Variants in LAMB2 observed in about 807,000 individuals in gnomAD.
LAMB2 encodes the protein laminin subunit beta 2.
A neutral mutation model predicts 202.7 loss-of-function variants in LAMB2; 119 were observed. The observed-to-expected ratio is 0.59, with a 90% CI of 0.51 to 0.68. LAMB2 has a LOEUF of 0.68. Ranked by LOEUF, LAMB2 falls within the 30% of genes least tolerant of loss-of-function variation. The pLI is 0.00. For missense variants in LAMB2, 2,124 were observed against 2,410.6 expected (o/e 0.88, Z 2.49); for synonymous variants, 818 against 902.2 (o/e 0.91, Z 1.67).
In LAMB2 at chr3:49,129,777, A is replaced by C. The variant is rs2045461367; in HGVS notation, c.1406-61T>G. ...CTGTGGCAGTGCTCATGTTCAGCTG[A>C]GTCAGGAGTAAGAGGACAGGGGTTA... On this transcript the variant is annotated intron_variant, in intron 10 of 31. Transcript: ENST00000305544. This position sits in a 1 kb window ranked among gnomAD's most constrained non-coding sequence, Gnocchi z 6.1. The C allele has an allele frequency of 2.5e-6, 4 of 1,609,968 alleles. No individual in the cohort carries two copies. Among genetic ancestry groups the C allele is most frequent in the Non-Finnish European group, 3.4e-6 (4 of 1,176,494 alleles).
At position 49,131,321 on chromosome 3, in the gene LAMB2, C is replaced by A; in HGVS notation, c.712+58G>T. 11 of 1,585,188 alleles carry A rather than the reference C, an allele frequency of 6.9e-6. No homozygotes were observed. The highest frequency in any genetic ancestry group is 9.5e-6 in the Non-Finnish European group (11 of 1,155,644). On this transcript the variant is annotated intron_variant, in intron 6 of 31. Coordinates refer to ENST00000305544, the MANE Select transcript of LAMB2 (RefSeq NM_002292.4). This position sits in a 1 kb window ranked among gnomAD's most constrained non-coding sequence, Gnocchi z 5.0. ...AAGCACCCAAAATAGTTACTGAGGC[C>A]CCAAATAGTCCCTAGCCGGACACGG...
chr3:49,130,238 C>T lies in LAMB2; in HGVS notation c.1218G>A (p.Val406=), dbSNP rs1284533242. ...DPTKDLRDPA[V]CRSCDCDPMG... is the part of the protein sequence containing the mutation. ...GCCCAATCCCAGCCTCACAGCGGCA[C>T]ACAGCCGGATCCCGCAGGTCCTTGG... The change falls in exon 9 of 32, where the codon GTG becomes GTA. Residue 406 remains valine (V), a synonymous_variant. Transcript: ENST00000305544. The surrounding 1 kb of genome is among the most constrained non-coding windows in gnomAD (Gnocchi z 5.0). The T allele has an allele frequency of 2.5e-6, 4 of 1,614,120 alleles. No individual in the cohort carries two copies. Among genetic ancestry groups the T allele is most frequent in the African/African-American group, 2.7e-5 (2 of 74,946 alleles).
Position 49,122,368 on chromosome 3 carries a change from C to G in LAMB2, c.4576G>C (p.Glu1526Gln), listed in dbSNP as rs2045330393. Residue 1526 changes from glutamate (E) to glutamine (Q), a missense_variant and splice_region_variant, in exon 28 of 32, where the codon GAG becomes CAG. Around this residue, in one of 3 missense-constraint regions of LAMB2, gnomAD observed 1,702 missense variants for 1,896.3 expected, o/e 0.90. Transcript: ENST00000305544. ...IQSVKDFLNQ[E>Q]GADPDSIEMV... The stretch of plus-strand genomic sequence containing the variant: ...TCAATGCTATCAGGATCAGCCCCCT[C>G]CTCTATAGGGACACAGCAAGAACTT... 3.1e-6 allele frequency: 5 copies of G among 1,613,022 alleles called. No individual in the cohort carries two copies. Among genetic ancestry groups the G allele is most frequent in the Non-Finnish European group, 4.2e-6 (5 of 1,179,842 alleles).
rs760185781 is a variant in LAMB2 at position 49,132,630 on chromosome 3, G to A, written c.110C>T (p.Pro37Leu). 1.9e-6 allele frequency: 3 copies of A among 1,613,944 alleles called. No individual in the cohort carries two copies. Among genetic ancestry groups the A allele is most frequent in the Admixed American group, 1.7e-5 (1 of 60,014 alleles). Reference protein sequence around the residue: ...LAATLAQAPAPDVPGCSRGSC... With the variant: ...LAATLAQAPALDVPGCSRGSC... ...TCCCCTGGAACAGCCAGGCACATCC[G>A]GGGCAGGGGCCTGTGCCAGTGTGGC... Residue 37 changes from proline (P) to leucine (L), a missense_variant, in exon 2 of 32, where the codon CCG becomes CTG. Coordinates refer to ENST00000305544, the MANE Select transcript of LAMB2 (RefSeq NM_002292.4). The surrounding 1 kb of genome is among the most constrained non-coding windows in gnomAD (Gnocchi z 4.6).
At chr3:49,128,866 C>G in intron 13 of LAMB2, 47 bp from the exon 14 acceptor site, 1 of 1,605,124 alleles carries the variant, frequency 6.2e-7, no homozygotes, top group South Asian at 1.1e-5. Context: ...GAGGCTTTGC[C>G]TCTTCTGCCA....
In LAMB2 at chr3:49,126,074, C is replaced by A. The variant is rs141407145; in HGVS notation, c.2237G>T (p.Arg746Leu). ...CAGACCCTCCTCATGGCATTGGTAGCGTTCAAAGGTGGCCTGGCGCTCCAG... is the reference window on the plus strand; with the variant it reads ...CAGACCCTCCTCATGGCATTGGTAGAGTTCAAAGGTGGCCTGGCGCTCCAG... ...AALERQATFE[R>L]YQCHEEGLVP... Residue 746 changes from arginine (R) to leucine (L), a missense_variant, in exon 17 of 32, where the codon CGC becomes CTC. Around this residue, in one of 3 missense-constraint regions of LAMB2, gnomAD observed 1,702 missense variants for 1,896.3 expected, o/e 0.90. Transcript: ENST00000305544. 6.2e-7 allele frequency: 1 copy of A among 1,614,056 alleles called. No individual in the cohort carries two copies. The highest frequency in any genetic ancestry group is 1.7e-5 in the Admixed American group (1 of 60,022).
chr3:49,125,425 A>G lies in LAMB2; in HGVS notation c.2548T>C (p.Cys850Arg). ...SSLCEKTSGQ[C>R]LCRTGAFGLR... Reference sequence around the variant, plus strand: ...CCAAAGGCACCAGTTCGACAGAGACATTGCCCACTGGTCTTTTCACAGAGA... The same window carrying G: ...CCAAAGGCACCAGTTCGACAGAGACGTTGCCCACTGGTCTTTTCACAGAGA... Residue 850 changes from cysteine (C) to arginine (R), a missense_variant, in exon 19 of 32, where the codon TGT becomes CGT. This residue lies in a region of LAMB2 where 1,702 missense variants were observed against 1,896.3 expected (regional missense o/e 0.90). Transcript: ENST00000305544. The G allele has an allele frequency of 6.2e-7, 1 of 1,613,704 alleles. No homozygotes were observed. Among genetic ancestry groups the G allele is most frequent in the Non-Finnish European group, 8.5e-7 (1 of 1,179,936 alleles).
chr3:49,122,503 G>T, intron 27 of LAMB2, 133 bp from the exon 28 acceptor site: 2 of 982,856 alleles, frequency 2.0e-6, no homozygotes, highest in East Asian at 2.5e-5. Flanking sequence ...ATAATCACAA[G>T]GACAGGGACT....
rs112650935 is a variant in LAMB2, at chr3:49,123,972, G to C, written c.3553C>G (p.Pro1185Ala). The C allele has an allele frequency of 2.5e-6, 4 of 1,613,402 alleles. No homozygotes were observed. Among genetic ancestry groups the C allele is most frequent in the Non-Finnish European group, 2.5e-6 (3 of 1,180,030 alleles). ...CATGCATGGCAGGGATGGCAGGCAG[G>C]AAAGATTCCTGAGAAGCCACGGGCA... ...QCARGFSGIFPACHPCHACFG... is the reference protein window; with the variant it reads ...QCARGFSGIFAACHPCHACFG... Residue 1185 changes from proline to alanine, a missense_variant, in exon 24 of 32, where the codon CCT becomes GCT. This residue lies in a region of LAMB2 where 1,702 missense variants were observed against 1,896.3 expected (regional missense o/e 0.90). Transcript: ENST00000305544.
In LAMB2 at chr3:49,129,653, G is replaced by A; in HGVS notation, c.1469C>T (p.Ser490Phe). Residue 490 changes from serine (S) to phenylalanine (F), a missense_variant, in exon 11 of 32, where the codon TCC becomes TTC. Physicochemically the swap from Ser to Phe is radical, Grantham distance 155 (BLOSUM62 -2). Transcript: ENST00000305544. The surrounding 1 kb of genome is among the most constrained non-coding windows in gnomAD (Gnocchi z 6.1). ...GSTPCDPNSG[S>F]CYCKRLVTGR... is the part of the protein sequence containing the mutation. ...AGTCACTAGACGTTTGCAGTAACAG[G>A]ATCCACTGTTGGGGTCACAAGGAGT... 3 of 1,614,172 alleles carry A rather than the reference G, an allele frequency of 1.9e-6. No individual in the cohort carries two copies. The highest frequency in any genetic ancestry group is 2.5e-6 in the Non-Finnish European group (3 of 1,180,006).
In LAMB2 at chr3:49,131,818, T is replaced by G; in HGVS notation, c.460-95A>C. 1 of 1,325,744 alleles carries G rather than the reference T, an allele frequency of 7.5e-7. No individual in the cohort carries two copies. The highest frequency in any genetic ancestry group is 1.1e-6 in the Non-Finnish European group (1 of 943,542). The allele number at this position is 1,325,744 out of a possible 1,614,324, so 82.1% of individuals were successfully genotyped here. A position where few individuals can be genotyped will look rare whatever the true frequency, so the allele number is the denominator to read the frequency against. The stretch of plus-strand genomic sequence containing the variant: ...TGCTCAGCCCAAGACTGCCCTCAAA[T>G]AGCTCACAGAGAGTGGGGGTGACTG... On this transcript the variant is annotated intron_variant, in intron 4 of 31. Transcript: ENST00000305544. The surrounding 1 kb of genome is among the most constrained non-coding windows in gnomAD (Gnocchi z 5.0).
In LAMB2 at chr3:49,129,840, C is replaced by A; in HGVS notation, c.1404G>T (p.Arg468=). 1 of 1,613,812 alleles carries A rather than the reference C, an allele frequency of 6.2e-7. No homozygotes were observed. The highest frequency in any genetic ancestry group is 1.1e-5 in the South Asian group (1 of 91,086). ...GAAGTTAGGGCAGGAGACACATACG[C>A]CGGCAGCCCAGACGGTCACTGATGC... ...GLSISDRLGC[R]RCQCNARGTV... Residue 468 remains arginine (R), a splice_region_variant and synonymous_variant, in exon 10 of 32, where the codon CGG becomes CGT. Coordinates refer to ENST00000305544, the MANE Select transcript of LAMB2 (RefSeq NM_002292.4). The surrounding 1 kb of genome is among the most constrained non-coding windows in gnomAD (Gnocchi z 6.1).
Position 49,130,437 on chromosome 3 carries a change from G to A in LAMB2, c.1037-18C>T. The A allele has an allele frequency of 6.2e-7, 1 of 1,613,784 alleles. No homozygotes were observed. The highest frequency in any genetic ancestry group is 8.5e-7 in the Non-Finnish European group (1 of 1,179,934). ...CTCACACTCTGGCAGGGGAGGAAGG[G>A]CAGGGCAAAGGCCACATGAGGAACC... On this transcript the variant is annotated intron_variant, in intron 8 of 31. Coordinates refer to ENST00000305544, the MANE Select transcript of LAMB2 (RefSeq NM_002292.4). The surrounding 1 kb of genome is among the most constrained non-coding windows in gnomAD (Gnocchi z 5.0).
At position 49,131,102 on chromosome 3, in the gene LAMB2, A is replaced by ACCAACT; in HGVS notation, c.762_763insAGTTGG (p.Thr254_Leu255insSerTrp). On this transcript the variant is annotated inframe_insertion, in exon 7 of 32. Coordinates refer to ENST00000305544, the MANE Select transcript of LAMB2 (RefSeq NM_002292.4). This position sits in a 1 kb window ranked among gnomAD's most constrained non-coding sequence, Gnocchi z 5.0. ...CGTGGGTCGAGTAGGTTGTCTCCCA[A>ACCAACT]CGTGTGTAGACGAGTCAGGTTCACC... 1 of 1,613,624 alleles carries ACCAACT rather than the reference A, an allele frequency of 6.2e-7. No individual in the cohort carries two copies. The highest frequency in any genetic ancestry group is 8.5e-7 in the Non-Finnish European group (1 of 1,180,002).
At position 49,122,734 on chromosome 3, in the gene LAMB2, GT is replaced by G; in HGVS notation, c.4542del (p.Glu1514AspfsTer6). On this transcript the variant is annotated frameshift_variant, in exon 27 of 32. Transcript: ENST00000305544. LOFTEE classifies it high-confidence loss of function. ...AGGAAGTCCTTCACACTCTGGATAA[GT>G]TCTTGAAGTTCCTGGTTGGCCTGTT... ...QVEQANQELQ[E>X]LIQSVKDFLN... 6.2e-7 allele frequency: 1 copy of G among 1,614,152 alleles called. No individual in the cohort carries two copies. Among genetic ancestry groups the G allele is most frequent in the Non-Finnish European group, 8.5e-7 (1 of 1,180,004 alleles).
Position 49,121,355 on chromosome 3 carries a change from T to G in LAMB2, c.5268A>C (p.Glu1756Asp). Residue 1756 changes from glutamate to aspartate, a missense_variant, in exon 32 of 32, where the codon GAA becomes GAC. Transcript: ENST00000305544. ...QDKLQRLQEL[E>D]GTYEENERAL... Reference sequence around the variant, plus strand: ...CCCGCTCATTTTCCTCATAGGTGCCTTCCAATTCTAGGAAGGGCAGGTGTC... The same window carrying G: ...CCCGCTCATTTTCCTCATAGGTGCCGTCCAATTCTAGGAAGGGCAGGTGTC... 1 of 1,613,994 alleles carries G rather than the reference T, an allele frequency of 6.2e-7. No individual in the cohort carries two copies. The highest frequency in any genetic ancestry group is 8.5e-7 in the Non-Finnish European group (1 of 1,179,988).
In LAMB2 at chr3:49,128,820, C is replaced by G; in HGVS notation, c.1732-1G>C. The G allele has an allele frequency of 6.2e-7, 1 of 1,611,710 alleles. No individual in the cohort carries two copies. Among genetic ancestry groups the G allele is most frequent in the Non-Finnish European group, 8.5e-7 (1 of 1,178,314 alleles). ...CCAGGCGCTCCACCACATCGAGCAC[C>G]TGGGAGATAATGCAGCCAGGGATGG... is the stretch of plus-strand genomic sequence containing the variant. On this transcript the variant is annotated splice_acceptor_variant, in intron 13 of 31. Coordinates refer to ENST00000305544, the MANE Select transcript of LAMB2 (RefSeq NM_002292.4). LOFTEE classifies it high-confidence loss of function.
Position 49,125,418 on chromosome 3 carries a change from C to T in LAMB2, c.2555G>A (p.Cys852Tyr). ...LCEKTSGQCLCRTGAFGLRCD... is the reference protein window; with the variant it reads ...LCEKTSGQCLYRTGAFGLRCD... ...GCGAAGCCCAAAGGCACCAGTTCGA[C>T]AGAGACATTGCCCACTGGTCTTTTC... Residue 852 changes from cysteine (C) to tyrosine (Y), a missense_variant, in exon 19 of 32, where the codon TGT (cysteine) becomes TAT (tyrosine). Cys to Tyr is a radical substitution (Grantham distance 194). This residue lies in a region of LAMB2 where 1,702 missense variants were observed against 1,896.3 expected (regional missense o/e 0.90). Coordinates refer to ENST00000305544, the MANE Select transcript of LAMB2 (RefSeq NM_002292.4). 6.2e-7 allele frequency: 1 copy of T among 1,613,910 alleles called. No homozygotes were observed. Among genetic ancestry groups the T allele is most frequent in the Non-Finnish European group, 8.5e-7 (1 of 1,180,008 alleles).
Position 49,131,998 on chromosome 3 carries a change from A to T in LAMB2, c.459+118T>A. 9.6e-7 allele frequency: 1 copy of T among 1,038,266 alleles called. No individual in the cohort carries two copies. Among genetic ancestry groups the T allele is most frequent in the Non-Finnish European group, 1.5e-6 (1 of 663,460 alleles). The allele number at this position is 1,038,266 out of a possible 1,614,324, so 64.3% of individuals were successfully genotyped here. A position where few individuals can be genotyped will look rare whatever the true frequency, so the allele number is the denominator to read the frequency against. On this transcript the variant is annotated intron_variant, in intron 4 of 31. Coordinates refer to ENST00000305544, the MANE Select transcript of LAMB2 (RefSeq NM_002292.4). This position sits in a 1 kb window ranked among gnomAD's most constrained non-coding sequence, Gnocchi z 5.0. ...GGAGGCAAATGGAAGGTGTGAAGGGATGAAGGAGCCTCCTGCATCCATGCT... is the reference window on the plus strand; with the variant it reads ...GGAGGCAAATGGAAGGTGTGAAGGGTTGAAGGAGCCTCCTGCATCCATGCT...
Sources: allele counts gnomAD v4.1 joint callset, GRCh38; gene constraint gnomAD v4.1.1; regional missense constraint gnomAD v4.1.1; non-coding constraint Gnocchi (gnomAD v3.1); transcripts MANE v1.5; gene names NCBI Gene and HGNC (gene_info 2026-07-23, HGNC 2026-07-21).